Variants in ADCK5 observed in about 807,000 individuals in gnomAD.
ADCK5 encodes the protein uncharacterized aarF domain-containing protein kinase 5.
A neutral mutation model predicts 64.9 loss-of-function variants in ADCK5; 43 were observed. The ratio of observed to expected loss-of-function variants is 0.66; its 90% CI spans 0.52 to 0.85. The LOEUF is 0.85. Ranked by LOEUF, ADCK5 falls within the 40% of genes least tolerant of loss-of-function variation. The pLI is 0.00. For synonymous variants in ADCK5, 434 were observed against 342.8 expected (o/e 1.27, Z -2.94); for missense variants, 760 against 810.5 (o/e 0.94, Z 0.76).
intron 3 of ADCK5, among the ~76,000 whole-genome samples, chr8:144,386,602 C>T (rs782378853): frequency 6.6e-6 from 1 of 152,190 alleles, no homozygotes; most frequent in Non-Finnish European, 1.5e-5. Context: ...AAGTGATCTG[C>T]CCGCCTCGGA....
At position 144,376,570 on chromosome 8, in the gene ADCK5, A is replaced by G. The variant is rs1424631756; in HGVS notation, c.12+2463A>G. Among the ~76,000 whole-genome samples the G allele has an allele frequency of 6.6e-6, 1 of 152,248 alleles. No individual in the cohort carries two copies. The highest frequency in any genetic ancestry group is 1.5e-5 in the Non-Finnish European group (1 of 68,050). ...AGAGCAGAAAACTGTTGTTGGAGAC[A>G]GCAGTCAGCCAGCCATGACTTTCCT... is the stretch of plus-strand genomic sequence containing the variant. On this transcript the variant is annotated intron_variant, in intron 1 of 14. Transcript: ENST00000308860. This position sits in a 1 kb window ranked among gnomAD's most constrained non-coding sequence, Gnocchi z 5.1.
At chr8:144,375,682 G>C (rs782590667) in intron 1 of ADCK5, 4 of 983,752 alleles carry the variant, frequency 4.1e-6, no homozygotes, top group Non-Finnish European at 3.6e-6. Flanking sequence ...AAGGTAGTCA[G>C]CTGTGGTCTA....
In ADCK5 at chr8:144,392,244, C is replaced by T. The variant is rs770576203; in HGVS notation, c.1176-10C>T. 4.5e-5 allele frequency: 70 copies of T among 1,541,256 alleles called. No individual in the cohort carries two copies. The Middle Eastern group carries it at 1.6e-3, about 35-fold the overall frequency. ...AGGGAGCTCATGGCTGCGGGCCCAT[C>T]CACACCCAGGGACCGCGCAGCCCTC... On this transcript the variant is annotated splice_polypyrimidine_tract_variant and intron_variant, in intron 11 of 14. Transcript: ENST00000308860.
At chr8:144,381,781 CTG>C (rs1819667486) in intron 2 of ADCK5, among the ~76,000 whole-genome samples, 2 of 101,106 alleles carry the variant, frequency 2.0e-5, no homozygotes, top group Non-Finnish European at 4.1e-5. Flanking sequence ...CAGGCCCCTG[CTG>C]CACTCAGGAT....
chr8:144,390,532 TG>T, intron 3 of ADCK5, 138 bp from the exon 4 acceptor site: 1 of 899,274 alleles, frequency 1.1e-6, no homozygotes, highest in Non-Finnish European at 1.7e-6. Flanking sequence ...GGCTGTAGGC[TG>T]GACCCTGGCT....
At chr8:144,382,044 G>T (rs1157585696) in intron 2 of ADCK5, among the ~76,000 whole-genome samples, 14 of 133,404 alleles carry the variant, frequency 1.0e-4, no homozygotes, top group Admixed American at 3.5e-4. Context: ...GTGTGCTCAG[G>T]CCCCTGCTGC....
Position 144,391,035 on chromosome 8 carries a change from C to T in ADCK5, c.522C>T (p.Ala174=), listed in dbSNP as rs782166065. ...CCCTGCGCGTGCTAGAGGACAGGGC[C>T]CTCAAGCGGGGCTTCCAGGAGGTGA... ...TRTLRVLEDR[A]LKRGFQEVDE... The change falls in exon 5 of 15, where the codon GCC becomes GCT. Residue 174 remains alanine (A), a synonymous_variant. Coordinates refer to ENST00000308860, the MANE Select transcript of ADCK5 (RefSeq NM_174922.5). 1 of 1,612,698 alleles carries T rather than the reference C, an allele frequency of 6.2e-7. No homozygotes were observed. Among genetic ancestry groups the T allele is most frequent in the East Asian group, 2.2e-5 (1 of 44,886 alleles).
chr8:144,389,208 C>T (rs782031615), intron 3 of ADCK5: 32 of 454,754 alleles, frequency 7.0e-5, no homozygotes, highest in Non-Finnish European at 1.4e-4. Flanking sequence ...ACCTGCTCAA[C>T]AGATACCCAG....
intron 2 of ADCK5, 122 bp from the exon 3 acceptor site, chr8:144,382,959 C>T: frequency 2.2e-6 from 3 of 1,371,734 alleles, no homozygotes; most frequent in African/African-American, 1.4e-5. Context: ...TCTCTGCTGA[C>T]CACACGTCAG....
intron 1 of ADCK5, among the ~76,000 whole-genome samples, chr8:144,378,820 A>C (rs1819479168): frequency 6.6e-6 from 1 of 152,102 alleles, no homozygotes; most frequent in African/African-American, 2.4e-5. Context: ...CGGAGATTGT[A>C]GTGAGCCGAG....
intron 2 of ADCK5, among the ~76,000 whole-genome samples, chr8:144,380,292 G>A (rs1413285571): frequency 1.3e-5 from 2 of 151,004 alleles, no homozygotes; most frequent in African/African-American, 2.4e-5. Context: ...TATGGGCCGG[G>A]TGTAGAAACA....
At chr8:144,390,572 G>A in intron 3 of ADCK5, 99 bp from the exon 4 acceptor site, 1 of 1,278,998 alleles carries the variant, frequency 7.8e-7, no homozygotes, top group Non-Finnish European at 1.1e-6. Flanking sequence ...ATGAAGGGCT[G>A]GCCGGGGTGA....
chr8:144,379,399 C>A lies in ADCK5; in HGVS notation c.25C>A (p.His9Asn). 2 of 1,607,302 alleles carry A rather than the reference C, an allele frequency of 1.2e-6. No homozygotes were observed. The highest frequency in any genetic ancestry group is 1.7e-6 in the Non-Finnish European group (2 of 1,176,172). MWRPVQLC[H>N]FHSALLHSRQ... ...CCTCTCTTTGCAGGTGCAGCTCTGTCATTTCCACTCTGCTCTGCTGCACAG... is the reference window on the plus strand; with the variant it reads ...CCTCTCTTTGCAGGTGCAGCTCTGTAATTTCCACTCTGCTCTGCTGCACAG... Residue 9 changes from histidine (H) to asparagine (N), a missense_variant, in exon 2 of 15, where the codon CAT (histidine) becomes AAT (asparagine). His to Asn is a moderately conservative substitution (Grantham distance 68). Transcript: ENST00000308860.
At chr8:144,374,001 C>T (rs1460549283), upstream of ADCK5, 3 of 1,214,716 alleles carry the variant, frequency 2.5e-6, no homozygotes, top group African/African-American at 4.7e-5. Flanking sequence ...GCTCTGGCTC[C>T]GGCGCGTGCG....
intron 1 of ADCK5, among the ~76,000 whole-genome samples, chr8:144,378,780 G>A (rs1297911444): frequency 6.6e-6 from 1 of 151,986 alleles, no homozygotes; most frequent in African/African-American, 2.4e-5. Flanking sequence ...TCGGGGGGCT[G>A]GGGCAAGAGA....
Position 144,392,329 on chromosome 8 carries a change from C to A in ADCK5, c.1251C>A (p.Ala417=). 2.5e-6 allele frequency: 2 copies of A among 796,246 alleles called. No individual in the cohort carries two copies. The highest frequency in any genetic ancestry group is 1.9e-5 in the South Asian group (1 of 53,076). 49.3% of individuals were successfully genotyped at this position (796,246 alleles called of 1,614,324 possible). A position where few individuals can be genotyped will look rare whatever the true frequency, so the allele number is the denominator to read the frequency against. Residue 417 remains alanine, a synonymous_variant, in exon 12 of 15, where the codon GCC becomes GCA. Transcript: ENST00000308860. ...ACGCCGCCATGAGGGCGCACGCAGCCGCACTGGGGGTGCAAGGTGAGGGCG... is the reference window on the plus strand; with the variant it reads ...ACGCCGCCATGAGGGCGCACGCAGCAGCACTGGGGGTGCAAGGTGAGGGCG... ...RDDAAMRAHA[A]ALGVQDYLLF... is the part of the protein sequence containing the mutation.
At position 144,376,024 on chromosome 8, in the gene ADCK5, G is replaced by T. The variant is rs1047998011; in HGVS notation, c.12+1917G>T. Among the ~76,000 whole-genome samples, 1 of 152,112 alleles carries T rather than the reference G, an allele frequency of 6.6e-6. No individual in the cohort carries two copies. The highest frequency in any genetic ancestry group is 1.9e-4 in the East Asian group (1 of 5,194). On this transcript the variant is annotated intron_variant, in intron 1 of 14. Transcript: ENST00000308860. This position sits in a 1 kb window ranked among gnomAD's most constrained non-coding sequence, Gnocchi z 5.1. ...TTCTGGGAGATGCAGCTGCAGGCTC[G>T]CCCCCCAACCCATAACCTCTCTGGG...
chr8:144,391,348 TC>T lies in ADCK5; in HGVS notation c.685-12del, dbSNP rs1820216009. The T allele has an allele frequency of 5.0e-6, 8 of 1,612,802 alleles. No homozygotes were observed. The highest frequency in any genetic ancestry group is 6.8e-6 in the Non-Finnish European group (8 of 1,179,958). On this transcript the variant is annotated splice_polypyrimidine_tract_variant and intron_variant, in intron 6 of 14. Coordinates refer to ENST00000308860, the MANE Select transcript of ADCK5 (RefSeq NM_174922.5). ...GGGGCCCCAAGTTCTCACCACACCC[TC>T]GCCCAGTGCAGGTGCAGTACATCGA...
chr8:144,384,808 C>T lies in ADCK5; in HGVS notation c.266+1578C>T, dbSNP rs116397219. On this transcript the variant is annotated intron_variant, in intron 3 of 14. Transcript: ENST00000308860. The surrounding 1 kb of genome is among the most constrained non-coding windows in gnomAD (Gnocchi z 5.7). The stretch of plus-strand genomic sequence containing the variant: ...GGCTCACTTTGTGGGAAAACATCTT[C>T]TCACAGCTCGCTCTCAGGGGCTGAG... 7.9e-3 allele frequency among the ~76,000 whole-genome samples: 1,198 copies of T among 152,352 alleles called. 15 individuals carry two copies. The highest frequency in any genetic ancestry group is 0.028 in the African/African-American group (1,144 of 41,580).
Sources: gnomAD v4.1 joint callset for allele counts (sites outside exome capture counted in the v4.1 genomes callset) on GRCh38, gnomAD v4.1.1 for gene constraint, Gnocchi (gnomAD v3.1) non-coding constraint, MANE v1.5 for transcripts, NCBI Gene and HGNC (gene_info 2026-07-23, HGNC 2026-07-21) for gene names.